NOVA2: variants seen among roughly 807,000 people sequenced by gnomAD.
NOVA2 encodes RNA-binding protein Nova-2.
In NOVA2, 9 loss-of-function variants were observed where a neutral mutation model predicts 22.5. The observed-to-expected ratio is 0.40, with a 90% CI of 0.24 to 0.70. The LOEUF (loss-of-function observed/expected upper bound fraction) is 0.70. NOVA2 is among the 30% of genes least tolerant of loss of function. The probability of loss-of-function intolerance (pLI) is 0.38; values close to 1 mark genes in which losing one functional copy is unlikely to be tolerated. For synonymous variants in NOVA2, 318 were observed against 335.2 expected, an observed-to-expected ratio of 0.95 and a Z score of 0.56; for missense variants, 383 against 682.8, an observed-to-expected ratio of 0.56 and a Z score of 4.89.
In NOVA2 at chr19:45,957,453, C is replaced by T. The variant is rs1043923451; in HGVS notation, c.230-3507G>A. 1.7e-4 allele frequency among the ~76,000 whole-genome samples: 26 copies of T among 151,660 alleles called. No individual in the cohort carries two copies. The East Asian group carries it at 4.8e-3, about 28-fold the overall frequency. ...ACTCGGGAGGCTGAGACAGGAGAAT[C>T]GCTTGAACCTGGGAGGCGGAGGTTG... On this transcript the variant is annotated intron_variant, in intron 2 of 3. Transcript: ENST00000263257.
chr19:45,940,974 T>C (rs780147726), intron 3 of NOVA2, 29 bp from the exon 4 acceptor site: 6 of 1,547,416 alleles, frequency 3.9e-6, no homozygotes, highest in Non-Finnish European at 5.2e-6. Flanking sequence ...GGAGGGTCTT[T>C]AATTTTATTT....
chr19:45,967,163 C>T (rs1302779691), intron 1 of NOVA2, among the ~76,000 whole-genome samples: 1 of 152,068 alleles, frequency 6.6e-6, no homozygotes, highest in Non-Finnish European at 1.5e-5. Flanking sequence ...CACTTGAATT[C>T]CCAGGAGTCC....
chr19:45,954,878 GT>G (rs1214568045), intron 2 of NOVA2, among the ~76,000 whole-genome samples: 1 of 151,640 alleles, frequency 6.6e-6, no homozygotes, highest in Admixed American at 6.6e-5. Context: ...GTGTGTGTGT[GT>G]GTGTGTGTGT....
intron 2 of NOVA2, among the ~76,000 whole-genome samples, chr19:45,958,722 C>G (rs1448023718): frequency 6.6e-6 from 1 of 152,118 alleles, no homozygotes; most frequent in Non-Finnish European, 1.5e-5. Flanking sequence ...TTCAGTTTCT[C>G]CACTGTCATT....
chr19:45,936,464 C>T lies in NOVA2; in HGVS notation c.*3399G>A, dbSNP rs757166982. ...GCTCCATGTCCACACTTTTGCAATG[C>T]CTCTTAGGGACCTCCTCAAAGAGAA... On this transcript the variant is annotated 3_prime_UTR_variant, in exon 4 of 4. Transcript: ENST00000263257. 9.9e-5 allele frequency: 15 copies of T among 151,570 alleles called. No homozygotes were observed. Among genetic ancestry groups the T allele is most frequent in the Non-Finnish European group, 1.6e-4 (11 of 67,940 alleles). The allele number at this position is 151,570 out of a possible 1,614,324, so 9.4% of individuals were successfully genotyped here.
intron 3 of NOVA2, among the ~76,000 whole-genome samples, chr19:45,946,385 GA>G (rs1196803193): frequency 2.6e-5 from 4 of 152,198 alleles, no homozygotes; most frequent in African/African-American, 9.6e-5. Flanking sequence ...AATGTTGACT[GA>G]ATCTCAGATT....
intron 2 of NOVA2, among the ~76,000 whole-genome samples, chr19:45,958,529 CAG>C (rs1491578476): frequency 4.5e-5 from 6 of 132,638 alleles, no homozygotes; most frequent in South Asian, 2.4e-4. Flanking sequence ...CAATGTGTGA[CAG>C]TGTGTGTGAC....
chr19:45,946,777 CAGG>C (rs1163242223), intron 3 of NOVA2, among the ~76,000 whole-genome samples: 1 of 150,956 alleles, frequency 6.6e-6, no homozygotes, highest in African/African-American at 2.4e-5. Flanking sequence ...GAGGCTGAGA[CAGG>C]AGAATTGCTT....
intron 1 of NOVA2, among the ~76,000 whole-genome samples, chr19:45,972,315 C>T (rs1159846954): frequency 6.6e-6 from 1 of 152,080 alleles, no homozygotes; most frequent in East Asian, 1.9e-4. Context: ...CACAGCCTCT[C>T]TGGAGTCACA....
At chr19:45,954,060 C>T (rs1298090859) in intron 2 of NOVA2, 114 bp from the exon 3 acceptor site, 1 of 1,156,676 alleles carries the variant, frequency 8.6e-7, no homozygotes, top group East Asian at 2.4e-5. Context: ...GTGGACCTGA[C>T]TGATCACACG....
intron 1 of NOVA2, among the ~76,000 whole-genome samples, chr19:45,961,540 G>A (rs1021892298): frequency 6.6e-6 from 1 of 152,112 alleles, no homozygotes; most frequent in Non-Finnish European, 1.5e-5. Flanking sequence ...AGGGGGTCAG[G>A]GAGGGTGGGA....
At chr19:45,971,356 T>G (rs932652202) in intron 1 of NOVA2, among the ~76,000 whole-genome samples, 2 of 151,908 alleles carry the variant, frequency 1.3e-5, no homozygotes, top group Non-Finnish European at 2.9e-5. Context: ...CTCAGGGACC[T>G]CCTGGGTCCC....
At chr19:45,954,093 G>T in intron 2 of NOVA2, 147 bp from the exon 3 acceptor site, 1 of 807,162 alleles carries the variant, frequency 1.2e-6, no homozygotes, top group Non-Finnish European at 2.0e-6. Context: ...GAGCGGGCAT[G>T]GGCTGGCAGG....
In NOVA2 at chr19:45,961,137, G is replaced by A; in HGVS notation, c.102C>T (p.Phe34=). 1 of 1,598,412 alleles carries A rather than the reference G, an allele frequency of 6.3e-7. No individual in the cohort carries two copies. Among genetic ancestry groups the A allele is most frequent in the Non-Finnish European group, 8.5e-7 (1 of 1,172,760 alleles). The change falls in exon 2 of 4, where the codon TTC becomes TTT. Residue 34 remains phenylalanine, a synonymous_variant. Coordinates refer to ENST00000263257, the MANE Select transcript of NOVA2 (RefSeq NM_002516.4). ...RSNTGEEGEY[F]LKVLIPSYAA... is the part of the protein sequence containing the mutation. ...CGTAGCTGGGGATCAGCACCTTCAGGAAGTATTCGCCTTCCTCTGCGGGGG... is the reference window on the plus strand; with the variant it reads ...CGTAGCTGGGGATCAGCACCTTCAGAAAGTATTCGCCTTCCTCTGCGGGGG...
Position 45,961,074 on chromosome 19 carries a change from G to T in NOVA2, c.165C>A (p.Ile55=). The T allele has an allele frequency of 6.3e-7, 1 of 1,586,548 alleles. No homozygotes were observed. The highest frequency in any genetic ancestry group is 8.6e-7 in the Non-Finnish European group (1 of 1,166,084). The change falls in exon 2 of 4, where the codon ATC becomes ATA. Residue 55 remains isoleucine (I), a synonymous_variant. Coordinates refer to ENST00000263257, the MANE Select transcript of NOVA2 (RefSeq NM_002516.4). The stretch of plus-strand genomic sequence containing the variant: ...CTCCGGTCTCCTTCTGCAGCTGCAC[G>T]ATGGTCTGCCCGCCCTTGCCAATGA... ...GSIIGKGGQT[I]VQLQKETGAT...
At chr19:45,952,903 AT>A (rs2146415974) in intron 3 of NOVA2, among the ~76,000 whole-genome samples, 1 of 152,330 alleles carries the variant, frequency 6.6e-6, no homozygotes, top group Non-Finnish European at 1.5e-5. Context: ...GGACCCAAGA[AT>A]TCCAGATTTT....
Position 45,954,436 on chromosome 19 carries a change from C to A in NOVA2, c.230-490G>T, listed in dbSNP as rs1033168582. ...ACCCCCAGGGGGACGAGGGACGAGG[C>A]CCTGTTGTCATGGCAACCCCTGAAA... is the stretch of plus-strand genomic sequence containing the variant. On this transcript the variant is annotated intron_variant, in intron 2 of 3. Coordinates refer to ENST00000263257, the MANE Select transcript of NOVA2 (RefSeq NM_002516.4). Among the ~76,000 whole-genome samples the A allele has an allele frequency of 2.0e-5, 3 of 152,294 alleles. No homozygotes were observed. The South Asian group carries it at 6.2e-4, about 32-fold the overall frequency.
At chr19:45,958,521 ATGTGTGACAG>A (rs200304365) in intron 2 of NOVA2, among the ~76,000 whole-genome samples, 8,070 of 146,658 alleles carry the variant, frequency 0.055, 432 homozygotes, top group East Asian at 0.15. Context: ...ATGTGTGACA[ATGTGTGACAG>A]TGTGTGTGAC....
intron 1 of NOVA2, among the ~76,000 whole-genome samples, chr19:45,962,081 T>C: frequency 6.6e-6 from 1 of 151,180 alleles, no homozygotes; most frequent in African/African-American, 2.4e-5. Flanking sequence ...TGGCCTGACT[T>C]AGGTTTTAGG....
Sources: allele counts gnomAD v4.1 joint callset (sites outside exome capture counted in the v4.1 genomes callset), GRCh38; gene constraint gnomAD v4.1.1; transcripts MANE v1.5; gene names NCBI Gene and HGNC (gene_info 2026-07-23, HGNC 2026-07-21).